Variants in ADGRB3 observed in about 807,000 individuals in gnomAD.
The protein encoded by ADGRB3 is adhesion G protein-coupled receptor B3.
Under a neutral mutation model 193.4 loss-of-function variants are expected in ADGRB3, and 37 were observed. The observed-to-expected ratio is 0.19, with a 90% confidence interval of 0.15 to 0.25. The LOEUF is 0.25. Ranked by LOEUF, ADGRB3 falls within the 10% of genes least tolerant of loss-of-function variation. The probability of loss-of-function intolerance (pLI) is 1.00; values close to 1 mark genes in which losing one functional copy is unlikely to be tolerated. For synonymous variants in ADGRB3, 690 were observed against 644.2 expected (o/e 1.07, Z -1.08); for missense variants, 1,637 against 1,852.9 (o/e 0.88, Z 2.14).
chr6:68,669,770 T>A (rs2127293573), intron 3 of ADGRB3, among the ~76,000 whole-genome samples: 1 of 152,046 alleles, frequency 6.6e-6, no homozygotes, highest in East Asian at 1.9e-4. Flanking sequence ...TTCGATGTAT[T>A]GATTTCCTTT....
intron 20 of ADGRB3, among the ~76,000 whole-genome samples, chr6:69,307,192 TTTTA>T (rs1248288921): frequency 2.6e-5 from 4 of 151,498 alleles, no homozygotes; most frequent in African/African-American, 7.3e-5. Context: ...TCGTTGACTG[TTTTA>T]TTTGACTCTA....
intron 17 of ADGRB3, among the ~76,000 whole-genome samples, chr6:69,114,444 C>T (rs757000539): frequency 4.6e-5 from 7 of 152,092 alleles, no homozygotes; most frequent in Non-Finnish European, 8.8e-5. Context: ...AAAATTTTCT[C>T]CCATTCTATA....
chr6:69,119,043 C>G (rs998323175), intron 17 of ADGRB3, among the ~76,000 whole-genome samples: 1 of 152,152 alleles, frequency 6.6e-6, no homozygotes, highest in African/African-American at 2.4e-5. Context: ...CTTTACATTA[C>G]AGATTTCTCA....
intron 13 of ADGRB3, among the ~76,000 whole-genome samples, chr6:69,035,279 T>C (rs759473954): frequency 9.2e-5 from 14 of 152,136 alleles, no homozygotes; most frequent in Non-Finnish European, 1.8e-4. Context: ...CTTTTCTCTC[T>C]TCAAAAAATT....
chr6:69,015,669 T>C (rs1770066964), intron 12 of ADGRB3, among the ~76,000 whole-genome samples: 1 of 151,964 alleles, frequency 6.6e-6, no homozygotes, highest in Admixed American at 6.6e-5. Context: ...GACCTCTGTG[T>C]ACGTTTGGAA....
At chr6:69,305,031 A>G (rs1768035840) in intron 20 of ADGRB3, among the ~76,000 whole-genome samples, 1 of 151,486 alleles carries the variant, frequency 6.6e-6, no homozygotes, top group Non-Finnish European at 1.5e-5. Context: ...CGGGACCATG[A>G]ATATGTTACT....
intron 17 of ADGRB3, among the ~76,000 whole-genome samples, chr6:69,192,685 T>G (rs185191434): frequency 6.6e-6 from 1 of 152,292 alleles, no homozygotes; most frequent in Admixed American, 6.5e-5. Context: ...AGTTTTTGTG[T>G]GTATAGTAGT....
At chr6:68,892,657 A>G (rs1361198616) in intron 3 of ADGRB3, among the ~76,000 whole-genome samples, 1 of 152,168 alleles carries the variant, frequency 6.6e-6, no homozygotes, top group African/African-American at 2.4e-5. Context: ...TGGGTTGTGC[A>G]ATAAATATTG....
chr6:68,850,725 C>T (rs1033154597), intron 3 of ADGRB3, among the ~76,000 whole-genome samples: 2 of 151,980 alleles, frequency 1.3e-5, no homozygotes, highest in Admixed American at 1.3e-4. Context: ...TCCATATCTA[C>T]TTGTTTTTCT....
At chr6:69,374,358 C>A (rs1021282818) in intron 30 of ADGRB3, among the ~76,000 whole-genome samples, 7 of 152,108 alleles carry the variant, frequency 4.6e-5, no homozygotes, top group South Asian at 2.1e-4. Flanking sequence ...CAAGTTGTCC[C>A]CCTCTTAATT....
chr6:69,317,687 ACT>A (rs1768348015), intron 20 of ADGRB3, among the ~76,000 whole-genome samples: 2 of 150,792 alleles, frequency 1.3e-5, no homozygotes, highest in South Asian at 4.2e-4. Context: ...TTTCTCTACC[ACT>A]CTTTGTCAGT....
chr6:69,112,216 A>G (rs945673656), intron 17 of ADGRB3, among the ~76,000 whole-genome samples: 4 of 152,144 alleles, frequency 2.6e-5, no homozygotes, highest in Admixed American at 2.0e-4. Context: ...CTACTTTGTC[A>G]TCTTCTACTT....
intron 3 of ADGRB3, among the ~76,000 whole-genome samples, chr6:68,846,292 A>G (rs983281093): frequency 2.0e-5 from 3 of 152,196 alleles, no homozygotes; most frequent in African/African-American, 7.2e-5. Flanking sequence ...TTTGCATCCT[A>G]TGTGATAAAA....
intron 3 of ADGRB3, among the ~76,000 whole-genome samples, chr6:68,701,477 GT>G (rs1765241458): frequency 6.6e-6 from 1 of 152,158 alleles, no homozygotes; most frequent in Non-Finnish European, 1.5e-5. Flanking sequence ...ATTGATCTGA[GT>G]TAATATGTAA....
chr6:69,263,764 T>C (rs1243685180), intron 20 of ADGRB3, among the ~76,000 whole-genome samples: 5 of 151,914 alleles, frequency 3.3e-5, no homozygotes, highest in African/African-American at 1.2e-4. Context: ...CAGTAACTCA[T>C]ATAATGTTGT....
chr6:68,980,481 C>T (rs1383460469), intron 10 of ADGRB3, among the ~76,000 whole-genome samples: 1 of 151,550 alleles, frequency 6.6e-6, no homozygotes, highest in East Asian at 1.9e-4. Context: ...TCACATATCA[C>T]ACTTTTTTGG....
At chr6:68,899,425 C>A (rs1010703521) in intron 3 of ADGRB3, among the ~76,000 whole-genome samples, 1 of 129,994 alleles carries the variant, frequency 7.7e-6, no homozygotes, top group East Asian at 2.2e-4. Flanking sequence ...ATATCTCCCA[C>A]TGCTATCCCT....
chr6:69,381,728 T>C (rs1225581386), intron 30 of ADGRB3, among the ~76,000 whole-genome samples: 3 of 151,884 alleles, frequency 2.0e-5, no homozygotes, highest in African/African-American at 7.2e-5. Flanking sequence ...ATCCTTACTT[T>C]TGAAAATATT....
At chr6:69,015,717 G>A (rs1240706787) in intron 12 of ADGRB3, among the ~76,000 whole-genome samples, 3 of 151,846 alleles carry the variant, frequency 2.0e-5, no homozygotes, top group African/African-American at 7.3e-5. Context: ...GACATTGGAA[G>A]TTTTTTGCAA....
Sources: allele counts gnomAD v4.1 joint callset (sites outside exome capture counted in the v4.1 genomes callset), GRCh38; gene constraint gnomAD v4.1.1; transcripts MANE v1.5; gene names NCBI Gene and HGNC (gene_info 2026-07-23, HGNC 2026-07-21).